The following FOCAD variants were observed in gnomAD, a reference collection of about 807,000 sequenced individuals.
FOCAD encodes the protein focadhesin.
Under a neutral mutation model 225.6 loss-of-function variants are expected in FOCAD, and 198 were observed. That is an observed-to-expected ratio of 0.88 (90% CI 0.78 to 0.99). FOCAD has a LOEUF of 0.99. Among genes scored for constraint, FOCAD ranks in the 50% least tolerant of loss-of-function variants. The probability of loss-of-function intolerance (pLI) is 0.00; values close to 1 mark genes in which losing one functional copy is unlikely to be tolerated. For synonymous variants in FOCAD, 897 were observed against 755.0 expected, an observed-to-expected ratio of 1.19 and a Z score of -3.08; for missense variants, 2,713 against 2,123.6, an observed-to-expected ratio of 1.28 and a Z score of -5.46.
chr9:20,975,167 A>G (rs886259585), intron 35 of FOCAD, among the ~76,000 whole-genome samples: 1 of 152,108 alleles, frequency 6.6e-6, no homozygotes, highest in African/African-American at 2.4e-5. Flanking sequence ...TTGGTCTTCT[A>G]CATTTTAATG....
At chr9:20,962,157 C>G (rs1838790187) in intron 35 of FOCAD, among the ~76,000 whole-genome samples, 1 of 151,968 alleles carries the variant, frequency 6.6e-6, no homozygotes, top group African/African-American at 2.4e-5. Flanking sequence ...CCGTGATGTT[C>G]CCAGATTAAG....
chr9:20,826,661 A>G (rs1044041540), intron 15 of FOCAD, among the ~76,000 whole-genome samples: 15 of 152,038 alleles, frequency 9.9e-5, no homozygotes, highest in Non-Finnish European at 1.6e-4. Context: ...GAATTTGGAC[A>G]TTTTATGATA....
intron 14 of FOCAD, among the ~76,000 whole-genome samples, chr9:20,822,380 C>A (rs917993455): frequency 1.3e-5 from 2 of 151,872 alleles, no homozygotes; most frequent in Non-Finnish European, 2.9e-5. Context: ...ACTTGCATAA[C>A]CATGAAATTA....
rs1408469384 is a variant in FOCAD, at chr9:20,951,008, T to G, written c.3961T>G (p.Ser1321Ala). ...IRTLTQVISV[S>A]GVIGLQSNAV... ...TTTTTATTTGTAGGTCATTAGTGTC[T>G]CTGGGGTGATTGGTCTCCAGTCAAA... The change falls in exon 34 of 44, where the codon TCT becomes GCT. Residue 1321 changes from serine to alanine, a missense_variant. Physicochemically the swap from Ser to Ala is moderately conservative, Grantham distance 99 (BLOSUM62 1). Coordinates refer to ENST00000338382, the MANE Select transcript of FOCAD (RefSeq NM_001375567.1). 1 of 1,613,354 alleles carries G rather than the reference T, an allele frequency of 6.2e-7. No homozygotes were observed. The highest frequency in any genetic ancestry group is 1.1e-5 in the South Asian group (1 of 91,028).
At chr9:20,885,371 A>G (rs935153154) in intron 21 of FOCAD, 141 bp downstream of exon 21, 1 of 712,822 alleles carries the variant, frequency 1.4e-6, no homozygotes, top group African/African-American at 1.8e-5. Context: ...AGTTGACCCA[A>G]CTGAATACTC....
chr9:20,849,011 C>T (rs1177714974), intron 15 of FOCAD, among the ~76,000 whole-genome samples: 1 of 151,930 alleles, frequency 6.6e-6, no homozygotes, highest in African/African-American at 2.4e-5. Context: ...AGAGGCATTA[C>T]TTCTCTGTAC....
Position 20,664,923 on chromosome 9 carries a change from T to C in FOCAD, c.-78+6097T>C, listed in dbSNP as rs564537345. ...TATTTTTCAAAATACCAGTTTTTGGTATTTTGAAATGTTATACATAGTGGA... is the reference window on the plus strand; with the variant it reads ...TATTTTTCAAAATACCAGTTTTTGGCATTTTGAAATGTTATACATAGTGGA... On this transcript the variant is annotated intron_variant, in intron 2 of 45. Coordinates refer to the FOCAD transcript ENST00000380249. 5.3e-5 allele frequency among the ~76,000 whole-genome samples: 8 copies of C among 151,016 alleles called. No homozygotes were observed. In the South Asian group the frequency reaches 1.5e-3, roughly 28 times the overall value.
At position 20,668,809 on chromosome 9, in the gene FOCAD, G is replaced by C. The variant is rs138470059; in HGVS notation, c.-78+9983G>C. Among the ~76,000 whole-genome samples the C allele has an allele frequency of 4.0e-3, 609 of 152,294 alleles. 5 individuals are homozygous for C. The highest frequency in any genetic ancestry group is 7.3e-3 in the South Asian group (35 of 4,824). ...AGGAATGAAGTAGCAAAGCTCAAAAGTAACAACATTCTGGACGGAAACAAA... is the reference window on the plus strand; with the variant it reads ...AGGAATGAAGTAGCAAAGCTCAAAACTAACAACATTCTGGACGGAAACAAA... On this transcript the variant is annotated intron_variant, in intron 2 of 45. Transcript: ENST00000380249.
chr9:20,952,325 T>C (rs1193326345), intron 34 of FOCAD: 2 of 152,246 alleles, frequency 1.3e-5, no homozygotes, highest in East Asian at 1.9e-4. Context: ...TTGTTCCTGA[T>C]GGAATTTTCC....
At chr9:20,844,921 T>C (rs1445431181) in intron 15 of FOCAD, among the ~76,000 whole-genome samples, 1 of 152,128 alleles carries the variant, frequency 6.6e-6, no homozygotes, top group Admixed American at 6.6e-5. Context: ...ATTTCATGCT[T>C]CCTTCTATAT....
intron 15 of FOCAD, among the ~76,000 whole-genome samples, chr9:20,837,102 T>C (rs1479847153): frequency 6.6e-6 from 1 of 152,116 alleles, no homozygotes; most frequent in Non-Finnish European, 1.5e-5. Flanking sequence ...CAATCTCAAC[T>C]TTCGAAGTTA....
intron 11 of FOCAD, among the ~76,000 whole-genome samples, chr9:20,795,878 A>G (rs948119826): frequency 2.4e-4 from 37 of 151,052 alleles, no homozygotes; most frequent in African/African-American, 8.5e-4. Flanking sequence ...TCATGTGCAC[A>G]ACGTATACAG....
chr9:20,948,898 C>T lies in FOCAD; in HGVS notation c.3846C>T (p.Ala1282=). 2 of 1,613,488 alleles carry T rather than the reference C, an allele frequency of 1.2e-6. No individual in the cohort carries two copies. The highest frequency in any genetic ancestry group is 1.7e-6 in the Non-Finnish European group (2 of 1,179,538). ...LCLAALHGMV[A]LVGSEGDVMQ... ...TGGCAGCTCTTCATGGCATGGTGGC[C>T]TTGGTAGGCTCTGAAGGGGATGTAA... Residue 1282 remains alanine, a synonymous_variant, in exon 32 of 44, where the codon GCC becomes GCT. Coordinates refer to ENST00000338382, the MANE Select transcript of FOCAD (RefSeq NM_001375567.1).
At chr9:20,658,090 A>C (rs529838259), upstream of FOCAD, among the ~76,000 whole-genome samples, 5 of 145,350 alleles carry the variant, frequency 3.4e-5, no homozygotes, top group South Asian at 6.7e-4. Context: ...TAGGCTGCTC[A>C]GGGGTCAGGG....
rs780852190 is a variant in FOCAD at position 20,948,942 on chromosome 9, C to T, written c.3876+14C>T. 9 of 1,610,912 alleles carry T rather than the reference C, an allele frequency of 5.6e-6. No homozygotes were observed. Among genetic ancestry groups the T allele is most frequent in the Non-Finnish European group, 7.6e-6 (9 of 1,177,362 alleles). The stretch of plus-strand genomic sequence containing the variant: ...GATGTAATGCAGGTAAAGAAAGGAA[C>T]CATGGAGGGGAAGACATCTAAATAT... On this transcript the variant is annotated intron_variant, in intron 32 of 43. Coordinates refer to ENST00000338382, the MANE Select transcript of FOCAD (RefSeq NM_001375567.1).
At chr9:20,693,322 C>G (rs1361710720) in intron 1 of FOCAD, among the ~76,000 whole-genome samples, 4 of 152,202 alleles carry the variant, frequency 2.6e-5, no homozygotes, top group African/African-American at 9.6e-5. Flanking sequence ...CTTCAGGCTA[C>G]TCGAGTACTT....
intron 2 of FOCAD, among the ~76,000 whole-genome samples, chr9:20,672,705 C>G (rs937167741): frequency 7.9e-5 from 12 of 152,160 alleles, no homozygotes; most frequent in African/African-American, 2.9e-4. Context: ...CCCACCTTGG[C>G]CTCTCAAAGT....
At chr9:20,794,984 T>C (rs1295691928) in intron 11 of FOCAD, among the ~76,000 whole-genome samples, 6 of 152,188 alleles carry the variant, frequency 3.9e-5, no homozygotes, top group Admixed American at 6.5e-5. Context: ...AGAAGAAATA[T>C]TGAATGATAT....
rs141735598 is a variant in FOCAD at position 20,981,581 on chromosome 9, C to G, written c.4533C>G (p.His1511Gln). Residue 1511 changes from histidine (H) to glutamine (Q), a missense_variant, in exon 38 of 44, where the codon CAC becomes CAG. His to Gln is a conservative substitution (Grantham distance 24). Transcript: ENST00000338382. Reference sequence around the variant, plus strand: ...CTGAGCTATGCCCAAGTGCTTTACACGGTCTGAGCCAGGCCATGAAACTGC... The same window carrying G: ...CTGAGCTATGCCCAAGTGCTTTACAGGGTCTGAGCCAGGCCATGAAACTGC... The part of the protein sequence containing the change: ...GSPELCPSAL[H>Q]GLSQAMKLPS... 1 of 1,614,024 alleles carries G rather than the reference C, an allele frequency of 6.2e-7. No homozygotes were observed. Among genetic ancestry groups the G allele is most frequent in the Non-Finnish European group, 8.5e-7 (1 of 1,179,970 alleles).
Sources: allele counts gnomAD v4.1 joint callset (sites outside exome capture counted in the v4.1 genomes callset), GRCh38; gene constraint gnomAD v4.1.1; transcripts MANE v1.5; gene names NCBI Gene and HGNC (gene_info 2026-07-23, HGNC 2026-07-21).